Variants in CATSPERB observed in about 807,000 individuals in gnomAD.
CATSPERB encodes the protein catsper channel auxiliary subunit beta.
Under a neutral mutation model 128.3 loss-of-function variants are expected in CATSPERB, and 93 were observed. The observed-to-expected ratio is 0.72, with a 90% CI of 0.61 to 0.86. The LOEUF is 0.86. Among genes scored for constraint, CATSPERB ranks in the 40% least tolerant of loss-of-function variants. The pLI, the probability that CATSPERB is intolerant of heterozygous loss-of-function variation, is 0.00. For synonymous variants in CATSPERB, 381 were observed against 448.8 expected, an observed-to-expected ratio of 0.85 and a Z score of 1.91; for missense variants, 1,153 against 1,329.5, an observed-to-expected ratio of 0.87 and a Z score of 2.06.
intron 11 of CATSPERB, among the ~76,000 whole-genome samples, chr14:91,683,508 G>T (rs1355446669): frequency 6.6e-6 from 1 of 152,118 alleles, no homozygotes; most frequent in Non-Finnish European, 1.5e-5. Flanking sequence ...TGTACTGCTG[G>T]CTTATCTAAT....
rs1595170049 is a variant in CATSPERB, at chr14:91,664,192, T to C, written c.1288-4211A>G. ...TCCAGAATGTCATATATTGGAATCATAAAGTTTGTAGCCTTTTCAGATTAG... is the reference window on the plus strand; with the variant it reads ...TCCAGAATGTCATATATTGGAATCACAAAGTTTGTAGCCTTTTCAGATTAG... On this transcript the variant is annotated intron_variant, in intron 14 of 26. Transcript: ENST00000256343. Among the ~76,000 whole-genome samples the C allele has an allele frequency of 2.0e-5, 3 of 151,834 alleles. No homozygotes were observed. The South Asian group carries it at 6.3e-4, about 32-fold the overall frequency.
chr14:91,723,853 T>C (rs536565531), intron 3 of CATSPERB, among the ~76,000 whole-genome samples: 3 of 147,850 alleles, frequency 2.0e-5, no homozygotes, highest in Admixed American at 6.8e-5. Context: ...GATTGGCAAG[T>C]AGACAAACTG....
chr14:91,620,112 C>T lies in CATSPERB; in HGVS notation c.2260+1496G>A, dbSNP rs551769522. On this transcript the variant is annotated intron_variant, in intron 19 of 26. Transcript: ENST00000256343. ...CAGCGTGGAATTCTGCATGTGAATG[C>T]AGAATTCAGTCTCTGAATGTGATAC... Among the ~76,000 whole-genome samples the T allele has an allele frequency of 2.0e-5, 3 of 151,998 alleles. No homozygotes were observed. In the South Asian group the frequency reaches 6.2e-4, roughly 32 times the overall value.
intron 7 of CATSPERB, 59 bp from the exon 8 acceptor site, chr14:91,693,538 A>C: frequency 8.1e-7 from 1 of 1,241,282 alleles, no homozygotes. Context: ...AGTCACCTTC[A>C]GGGGCAAGAG....
At chr14:91,691,071 A>C (rs11847663) in intron 10 of CATSPERB, among the ~76,000 whole-genome samples, 2,219 of 152,320 alleles carry the variant, frequency 0.015, 52 homozygotes, top group African/African-American at 0.05. Context: ...ACTAGATTAT[A>C]TGACATTTTT....
intron 17 of CATSPERB, among the ~76,000 whole-genome samples, chr14:91,632,031 A>T (rs1406389132): frequency 1.3e-5 from 2 of 152,144 alleles, no homozygotes; most frequent in African/African-American, 4.8e-5. Flanking sequence ...GCAAGAAGAG[A>T]AGACAAAAAT....
intron 16 of CATSPERB, among the ~76,000 whole-genome samples, chr14:91,638,337 A>G (rs1485864629): frequency 6.6e-6 from 1 of 152,156 alleles, no homozygotes; most frequent in Non-Finnish European, 1.5e-5. Context: ...TGTCACTAGA[A>G]AAAGAAGAAA....
chr14:91,691,333 C>T (rs1253035576), intron 10 of CATSPERB, among the ~76,000 whole-genome samples, 190 bp downstream of exon 10: 1 of 151,854 alleles, frequency 6.6e-6, no homozygotes, highest in African/African-American at 2.4e-5. Context: ...TTAATGGTTG[C>T]TACGAATATA....
rs201207423 is a variant in CATSPERB at position 91,671,671 on chromosome 14, C to CT, written c.1128+1195dup. ...CCTGAAAACCCATTTATCTTTTTTT[C>CT]TTTTTTTTTAAAAGCAATTTGTTTT... On this transcript the variant is annotated intron_variant, in intron 13 of 26. Coordinates refer to ENST00000256343, the MANE Select transcript of CATSPERB (RefSeq NM_024764.4). Among the ~76,000 whole-genome samples, 118 of 151,006 alleles carry CT rather than the reference C, an allele frequency of 7.8e-4. No individual in the cohort carries two copies. In the East Asian group the frequency reaches 0.013, roughly 17 times the overall value.
intron 17 of CATSPERB, among the ~76,000 whole-genome samples, chr14:91,629,377 T>C (rs1357775710): frequency 6.6e-6 from 1 of 151,628 alleles, no homozygotes; most frequent in African/African-American, 2.4e-5. Context: ...GAAGAGAGAG[T>C]TGAAGAGGCA....
intron 7 of CATSPERB, 59 bp downstream of exon 7, chr14:91,704,493 C>T (rs893040190): frequency 1.3e-6 from 2 of 1,523,252 alleles, no homozygotes; most frequent in African/African-American, 1.4e-5. Flanking sequence ...GCCAGTTAAA[C>T]ATTACTGTTA....
At chr14:91,617,053 CTA>C (rs1893952825) in intron 20 of CATSPERB, among the ~76,000 whole-genome samples, 1 of 152,010 alleles carries the variant, frequency 6.6e-6, no homozygotes, top group East Asian at 1.9e-4. Context: ...CCCATATTCC[CTA>C]TGTTTAAGCA....
chr14:91,686,685 A>G (rs781541232), intron 10 of CATSPERB, among the ~76,000 whole-genome samples: 7 of 152,178 alleles, frequency 4.6e-5, no homozygotes, highest in Non-Finnish European at 8.8e-5. Flanking sequence ...AACTTCCATG[A>G]AGGACAATTC....
At chr14:91,596,715 A>G (rs1893512614) in intron 22 of CATSPERB, among the ~76,000 whole-genome samples, 1 of 152,178 alleles carries the variant, frequency 6.6e-6, no homozygotes, top group Non-Finnish European at 1.5e-5. Context: ...TTTCCTATAC[A>G]TTTGGAACAA....
Position 91,608,416 on chromosome 14 carries a change from T to A in CATSPERB, c.2599-12A>T. On this transcript the variant is annotated splice_polypyrimidine_tract_variant and intron_variant, in intron 21 of 26. Coordinates refer to ENST00000256343, the MANE Select transcript of CATSPERB (RefSeq NM_024764.4). ...GGCCTGTAGTTTATCTGCAAGTGAT[T>A]AAACAAAGAAAATGTACAATTCATT... 1.5e-6 allele frequency: 2 copies of A among 1,353,420 alleles called. No homozygotes were observed. The highest frequency in any genetic ancestry group is 1.9e-4 in the Middle Eastern group (1 of 5,140). The allele number at this position is 1,353,420 out of a possible 1,614,324, so 83.8% of individuals were successfully genotyped here. A position where few individuals can be genotyped will look rare whatever the true frequency, so the allele number is the denominator to read the frequency against.
intron 15 of CATSPERB, among the ~76,000 whole-genome samples, chr14:91,646,895 C>G (rs980282792): frequency 1.2e-4 from 18 of 152,224 alleles, no homozygotes; most frequent in Non-Finnish European, 2.2e-4. Context: ...AAGTTACATT[C>G]TATTCATGCT....
intron 14 of CATSPERB, among the ~76,000 whole-genome samples, chr14:91,668,991 A>G (rs8016095): frequency 0.39 from 59,662 of 152,020 alleles, 11,853 homozygotes; most frequent in Middle Eastern, 0.54. Flanking sequence ...TAAGTTTTCC[A>G]AGGCCTTCCC....
intron 15 of CATSPERB, among the ~76,000 whole-genome samples, chr14:91,639,664 T>G (rs564248354): frequency 1.3e-5 from 2 of 152,306 alleles, no homozygotes; most frequent in East Asian, 1.9e-4. Context: ...GATTAATATG[T>G]TGAACCAAAC....
chr14:91,628,463 C>T (rs1195414873), intron 17 of CATSPERB, among the ~76,000 whole-genome samples: 1 of 152,158 alleles, frequency 6.6e-6, no homozygotes, highest in Non-Finnish European at 1.5e-5. Context: ...CTCAATGTCC[C>T]CACCCAAATC....
Sources: allele counts gnomAD v4.1 joint callset (sites outside exome capture counted in the v4.1 genomes callset), GRCh38; gene constraint gnomAD v4.1.1; transcripts MANE v1.5; gene names NCBI Gene and HGNC (gene_info 2026-07-23, HGNC 2026-07-21).